The following LRRC9 variants were observed in gnomAD, a reference collection of about 807,000 sequenced individuals.
LRRC9 encodes the protein leucine rich repeat containing 9, also known as leucine-rich repeat-containing protein 9.
Under a neutral mutation model 63.2 loss-of-function variants are expected in LRRC9, and 122 were observed. That is an observed-to-expected ratio of 1.93 (90% CI 1.67 to 2.24). The LOEUF is 2.24. Among genes scored for constraint, LRRC9 ranks in the 30% most tolerant of loss-of-function variants. The pLI, the probability that LRRC9 is intolerant of heterozygous loss-of-function variation, is 0.00. For missense variants in LRRC9, 1,071 were observed against 627.7 expected (o/e 1.71, Z -7.55); for synonymous variants, 366 against 213.1 (o/e 1.72, Z -6.25).
At chr14:60,016,359 G>A (rs1890685369) in intron 23 of LRRC9, among the ~76,000 whole-genome samples, 2 of 152,010 alleles carry the variant, frequency 1.3e-5, no homozygotes, top group Admixed American at 6.6e-5. Context: ...ATGTGCCACT[G>A]TGCTTGACTA....
intron 8 of LRRC9, among the ~76,000 whole-genome samples, chr14:59,952,148 C>T (rs539853344): frequency 4.6e-5 from 7 of 151,802 alleles, no homozygotes; most frequent in South Asian, 2.1e-4. Context: ...TAGCAATCAG[C>T]GAGATTCCGT....
In LRRC9 at chr14:59,966,743, A is replaced by T. The variant is rs1437208490; in HGVS notation, c.1366A>T (p.Asn456Tyr). 4.4e-6 allele frequency: 3 copies of T among 675,940 alleles called. No individual in the cohort carries two copies. Among genetic ancestry groups the T allele is most frequent in the East Asian group, 5.4e-5 (2 of 37,006 alleles). The allele number at this position is 675,940 out of a possible 1,614,324, so 41.9% of individuals were successfully genotyped here. A position where few individuals can be genotyped will look rare whatever the true frequency, so the allele number is the denominator to read the frequency against. Residue 456 changes from asparagine (N) to tyrosine (Y), a missense_variant, in exon 11 of 32, where the codon AAT (asparagine) becomes TAT (tyrosine). Coordinates refer to ENST00000445360, the Ensembl canonical transcript of LRRC9. This position sits in a 1 kb window ranked among gnomAD's most constrained non-coding sequence, Gnocchi z 4.0. ...AGAGAAATTTCAAAAGTTTTTGGAG[A>T]ATGAAGATATGCATGATTCAGAGTA...
At chr14:60,002,146 C>A (rs1390719648) in intron 20 of LRRC9, 46 bp downstream of exon 20, 1 of 663,218 alleles carries the variant, frequency 1.5e-6, no homozygotes, top group East Asian at 2.7e-5. Flanking sequence ...TAATTTAAAT[C>A]TATTTTTAAG....
intron 15 of LRRC9, among the ~76,000 whole-genome samples, chr14:59,978,387 T>C (rs1204163791): frequency 2.0e-5 from 3 of 152,212 alleles, no homozygotes; most frequent in African/African-American, 7.2e-5. Context: ...ACATTGAAAC[T>C]ACATTGAAGA....
At position 60,004,072 on chromosome 14, in the gene LRRC9, T is replaced by C. The variant is rs1455200072; in HGVS notation, c.2842+274T>C. ...GTCAAATTAAAAAATAAAAGATAAA[T>C]AAAAAATTAAAACGAGTTCATACCT... On this transcript the variant is annotated intron_variant, in intron 21 of 31. Transcript: ENST00000445360. The surrounding 1 kb of genome is among the most constrained non-coding windows in gnomAD (Gnocchi z 4.8). Among the ~76,000 whole-genome samples, 1 of 152,102 alleles carries C rather than the reference T, an allele frequency of 6.6e-6. No homozygotes were observed. The highest frequency in any genetic ancestry group is 2.4e-5 in the African/African-American group (1 of 41,426).
chr14:59,924,494 A>G lies in LRRC9; in HGVS notation c.-33-3417A>G, dbSNP rs543635291. Among the ~76,000 whole-genome samples the G allele has an allele frequency of 5.8e-4, 89 of 152,266 alleles. 1 individual carries two copies. Among genetic ancestry groups the G allele is most frequent in the African/African-American group, 2.0e-3 (83 of 41,554 alleles). On this transcript the variant is annotated intron_variant, in intron 1 of 31. Transcript: ENST00000445360. ...AGGAATGCGCGGCATTTCCTTCAAT[A>G]TAGACCCATCATCTAACCACTGTCT...
At chr14:59,929,421 AAAAT>A (rs957918183) in intron 3 of LRRC9, among the ~76,000 whole-genome samples, 2 of 151,638 alleles carry the variant, frequency 1.3e-5, no homozygotes, top group African/African-American at 2.4e-5. Flanking sequence ...AGTCAAAAAA[AAAAT>A]AACAGATGCT....
chr14:60,028,823 C>T (rs1193616687), intron 28 of LRRC9, among the ~76,000 whole-genome samples: 5 of 152,122 alleles, frequency 3.3e-5, no homozygotes, highest in African/African-American at 2.4e-5. Context: ...GAGACCAAGT[C>T]TATCTTGTCC....
chr14:59,977,255 G>T, exon 14 of LRRC9: 1 of 691,346 alleles, frequency 1.4e-6, no homozygotes, highest in South Asian at 1.5e-5. Context: ...GTTTTCCTTG[G>T]CCAGAGTGTT....
Position 59,966,622 on chromosome 14 carries a change from T to C in LRRC9, c.1245T>C (p.Arg415=). 2.9e-6 allele frequency: 2 copies of C among 688,818 alleles called. No individual in the cohort carries two copies. Among genetic ancestry groups the C allele is most frequent in the Non-Finnish European group, 2.6e-6 (1 of 378,122 alleles). The allele number at this position is 688,818 out of a possible 1,614,324, so 42.7% of individuals were successfully genotyped here. A position where few individuals can be genotyped will look rare whatever the true frequency, so the allele number is the denominator to read the frequency against. ...TCTGCTATGAATTAATTCTGTCACG[T>C]TTTTGTGCCTGGGACTTCAGAACAT... Residue 415 remains arginine, a synonymous_variant, in exon 11 of 32, where the codon CGT becomes CGC. Coordinates refer to ENST00000445360, the Ensembl canonical transcript of LRRC9. The surrounding 1 kb of genome is among the most constrained non-coding windows in gnomAD (Gnocchi z 4.0).
intron 23 of LRRC9, among the ~76,000 whole-genome samples, chr14:60,014,756 T>G (rs1890540430): frequency 6.6e-6 from 1 of 152,144 alleles, no homozygotes; most frequent in Non-Finnish European, 1.5e-5. Flanking sequence ...TTTTTTTTCC[T>G]GTCTGAGGTT....
At chr14:60,008,210 C>T in exon 23 of LRRC9, 1 of 697,960 alleles carries the variant, frequency 1.4e-6, no homozygotes, top group Non-Finnish European at 2.6e-6. Flanking sequence ...GATGGGATAC[C>T]AATTGTAAGT....
chr14:59,929,466 T>A (rs1467710815), intron 3 of LRRC9, among the ~76,000 whole-genome samples: 1 of 152,002 alleles, frequency 6.6e-6, no homozygotes, highest in East Asian at 1.9e-4. Context: ...GGAATGTTTA[T>A]ACACTGTTGG....
intron 29 of LRRC9, among the ~76,000 whole-genome samples, chr14:60,038,557 GCTCT>G (rs1170519437): frequency 1.3e-5 from 2 of 152,048 alleles, no homozygotes; most frequent in Non-Finnish European, 2.9e-5. Context: ...TCACAATTTG[GCTCT>G]CTGTTTATCT....
chr14:59,972,450 A>G lies in LRRC9; in HGVS notation c.1507-2126A>G, dbSNP rs1885624626. 2.0e-5 allele frequency among the ~76,000 whole-genome samples: 3 copies of G among 152,140 alleles called. 1 individual carries two copies. The East Asian group carries it at 5.8e-4, about 29-fold the overall frequency. On this transcript the variant is annotated intron_variant, in intron 12 of 31. Coordinates refer to ENST00000445360, the Ensembl canonical transcript of LRRC9. ...TGGAACTCTAAGTAGTCTTTCTTGT[A>G]TCAGCCGTAACCATGTTTCATATTA...
At chr14:60,065,030 T>C (rs992338291), downstream of LRRC9, among the ~76,000 whole-genome samples, 6 of 152,238 alleles carry the variant, frequency 3.9e-5, no homozygotes. Context: ...CTTCATGTGA[T>C]TTTTATGTAC....
At chr14:60,044,513 C>T (rs1298430820) in intron 29 of LRRC9, among the ~76,000 whole-genome samples, 1 of 152,098 alleles carries the variant, frequency 6.6e-6, no homozygotes, top group Non-Finnish European at 1.5e-5. Flanking sequence ...TCATTTGTTT[C>T]AATAAATTTT....
At position 59,978,142 on chromosome 14, in the gene LRRC9, G is replaced by GTT. The variant is rs1286513563; in HGVS notation, c.1878+11_1878+12dup. The GTT allele has an allele frequency of 1.4e-6, 1 of 700,280 alleles. No homozygotes were observed. The highest frequency in any genetic ancestry group is 2.6e-6 in the Non-Finnish European group (1 of 383,744). The allele number at this position is 700,280 out of a possible 1,614,324, so 43.4% of individuals were successfully genotyped here. A position where few individuals can be genotyped will look rare whatever the true frequency, so the allele number is the denominator to read the frequency against. Reference sequence around the variant, plus strand: ...TGAGTATATTACAATGGTATGAATTGTTACATATTCTTAAAGACTAATTCT... The same window carrying GTT: ...TGAGTATATTACAATGGTATGAATTGTTTTACATATTCTTAAAGACTAATTCT... On this transcript the variant is annotated intron_variant, in intron 15 of 31. Transcript: ENST00000445360.
intron 21 of LRRC9, among the ~76,000 whole-genome samples, chr14:60,005,278 A>G (rs570999207): frequency 6.6e-6 from 1 of 152,212 alleles, no homozygotes; most frequent in South Asian, 2.1e-4. Flanking sequence ...CAGTAGAGTA[A>G]ACCTAGGGGT....
Sources: gnomAD v4.1 joint callset for allele counts (sites outside exome capture counted in the v4.1 genomes callset) on GRCh38, gnomAD v4.1.1 for gene constraint, Gnocchi (gnomAD v3.1) non-coding constraint, MANE v1.5 for transcripts, NCBI Gene and HGNC (gene_info 2026-07-23, HGNC 2026-07-21) for gene names.